KRT77: variants seen among roughly 807,000 people sequenced by gnomAD.
KRT77 encodes the protein keratin, type II cytoskeletal 1b.
In KRT77, 44 loss-of-function variants were observed where a neutral mutation model predicts 51.5. The observed-to-expected ratio is 0.85, with a 90% CI of 0.67 to 1.10. The LOEUF is 1.10. KRT77 is among the 50% of genes least tolerant of loss of function. The pLI is 0.00. For missense variants in KRT77, 763 were observed against 743.9 expected, an observed-to-expected ratio of 1.03 and a Z score of -0.30; for synonymous variants, 293 against 302.0, an observed-to-expected ratio of 0.97 and a Z score of 0.31.
intron 1 of KRT77, 39 bp from the exon 2 acceptor site, chr12:52,697,935 T>A: frequency 6.3e-7 from 1 of 1,583,966 alleles, no homozygotes; most frequent in Non-Finnish European, 8.7e-7. Flanking sequence ...AGGCCATGGA[T>A]CAGAGCAGCT....
intron 8 of KRT77, 103 bp downstream of exon 8, chr12:52,691,835 G>A (rs1419878242): frequency 3.0e-6 from 4 of 1,351,672 alleles, no homozygotes; most frequent in East Asian, 2.3e-5. Context: ...GCACAGGACT[G>A]GAAGCTAAAA....
chr12:52,691,045 C>T lies in KRT77; in HGVS notation c.*120G>A. 1 of 1,463,922 alleles carries T rather than the reference C, an allele frequency of 6.8e-7. No homozygotes were observed. The highest frequency in any genetic ancestry group is 9.4e-7 in the Non-Finnish European group (1 of 1,065,868). The allele number at this position is 1,463,922 out of a possible 1,614,324, so 90.7% of individuals were successfully genotyped here. On this transcript the variant is annotated 3_prime_UTR_variant, in exon 9 of 9. Transcript: ENST00000341809. The stretch of plus-strand genomic sequence containing the variant: ...CCCCCATTAGAGTCGAATTTATTGG[C>T]AAAATTGCTGAGACCCATTAAGAAA...
chr12:52,700,582 G>A (rs1941873111), intron 1 of KRT77, among the ~76,000 whole-genome samples: 1 of 152,154 alleles, frequency 6.6e-6, no homozygotes, highest in Non-Finnish European at 1.5e-5. Context: ...GAGGCAGAGG[G>A]GCACAGGAGG....
chr12:52,701,232 C>G (rs549342149), intron 1 of KRT77, among the ~76,000 whole-genome samples: 1 of 152,356 alleles, frequency 6.6e-6, no homozygotes, highest in Non-Finnish European at 1.5e-5. Flanking sequence ...GTAGTGACTC[C>G]TTGCTCCAGT....
At chr12:52,691,519 C>T (rs951970036) in intron 8 of KRT77, 80 bp from the exon 9 acceptor site, 13 of 1,440,240 alleles carry the variant, frequency 9.0e-6, no homozygotes, top group African/African-American at 8.5e-5. Context: ...CACCTGCAGC[C>T]TCCTCCATCC....
chr12:52,699,988 C>T (rs760578115), intron 1 of KRT77, among the ~76,000 whole-genome samples: 3 of 152,240 alleles, frequency 2.0e-5, no homozygotes, highest in Admixed American at 6.5e-5. Flanking sequence ...CCACTCACCA[C>T]TCTTAGCATA....
intron 1 of KRT77, chr12:52,698,272 A>G: frequency 1.7e-6 from 1 of 580,048 alleles, no homozygotes; most frequent in Non-Finnish European, 2.9e-6. Flanking sequence ...TTTGTGGTCA[A>G]AATGCATTAT....
chr12:52,703,485 G>T lies in KRT77; in HGVS notation c.-51C>A. 1 of 1,496,912 alleles carries T rather than the reference G, an allele frequency of 6.7e-7. No homozygotes were observed. 92.7% of individuals were successfully genotyped at this position (1,496,912 alleles called of 1,614,324 possible). A position where few individuals can be genotyped will look rare whatever the true frequency, so the allele number is the denominator to read the frequency against. On this transcript the variant is annotated 5_prime_UTR_variant, in exon 1 of 9. Transcript: ENST00000341809. ...GGCAAGAGAAAGAGCCTGGCAGGAA[G>T]GAGGCAGAGACCAGAGAGGAAAGGA...
rs112917375 is a variant in KRT77 at position 52,696,399 on chromosome 12, T to C, written c.790A>G (p.Ser264Gly). Reference protein sequence around the residue: ...YEDEINKRTGSENDFVVLKKD... With the variant: ...YEDEINKRTGGENDFVVLKKD... ...TTCAGGACGACAAAGTCATTCTCGC[T>C]GCCAGTCCTCTTGTTGATTTCATCC... The change falls in exon 3 of 9, where the codon AGC (serine) becomes GGC (glycine). Residue 264 changes from serine (S) to glycine (G), a missense_variant. Physicochemically the swap from Ser to Gly is moderately conservative, Grantham distance 56. Transcript: ENST00000341809. 346 of 1,614,224 alleles carry C rather than the reference T, an allele frequency of 2.1e-4. 5 individuals are homozygous for C. In the African/African-American group the frequency reaches 3.7e-3, roughly 17 times the overall value.
chr12:52,693,590 T>C (rs1941749528), intron 5 of KRT77: 2 of 150,934 alleles, frequency 1.3e-5, no homozygotes, highest in African/African-American at 4.8e-5. Context: ...TCATCAATGC[T>C]AGTTGTTCAG....
chr12:52,700,102 G>A (rs1437183066), intron 1 of KRT77, among the ~76,000 whole-genome samples: 2 of 152,200 alleles, frequency 1.3e-5, no homozygotes, highest in African/African-American at 4.8e-5. Context: ...ATTGGTTCTA[G>A]AAAGCCTTTG....
intron 8 of KRT77, 72 bp from the exon 9 acceptor site, chr12:52,691,511 C>T: frequency 1.4e-6 from 2 of 1,465,850 alleles, no homozygotes; most frequent in Non-Finnish European, 9.1e-7. Context: ...CGCCCCTGCA[C>T]CTGCAGCCTC....
rs1941703349 is a variant in KRT77 at position 52,691,316 on chromosome 12, C to G, written c.1586G>C (p.Gly529Ala). ...YGGGRSYRGG[G>A]ARGRSGGGYG... The stretch of plus-strand genomic sequence containing the variant: ...ACCGCCTCCACTCCTGCCTCGTGCC[C>G]CGCCTCCGCGGTAGCTTCTTCCGCC... The change falls in exon 9 of 9, where the codon GGG becomes GCG. Residue 529 changes from glycine to alanine, a missense_variant. Coordinates refer to ENST00000341809, the MANE Select transcript of KRT77 (RefSeq NM_175078.3). 1 of 1,600,528 alleles carries G rather than the reference C, an allele frequency of 6.2e-7. No homozygotes were observed. Among genetic ancestry groups the G allele is most frequent in the East Asian group, 2.3e-5 (1 of 44,130 alleles).
intron 8 of KRT77, 116 bp downstream of exon 8, chr12:52,691,822 A>G (rs993587060): frequency 1.7e-6 from 2 of 1,162,842 alleles, no homozygotes; most frequent in African/African-American, 3.0e-5. Flanking sequence ...TTTGGTGTCT[A>G]TTGCACAGGA....
intron 1 of KRT77, among the ~76,000 whole-genome samples, chr12:52,698,869 T>G (rs1025404677): frequency 1.3e-5 from 2 of 152,166 alleles, no homozygotes; most frequent in South Asian, 2.1e-4. Context: ...CTGGGCACCA[T>G]GTAAAGGGGC....
rs1183779409 is a variant in KRT77 at position 52,694,696 on chromosome 12, G to T, written c.1010C>A (p.Ala337Glu). ...AATCAGTTCATACTGGGTCCGCACT[G>T]CATCGATGATGCTGTCCAGGTCCAG... ...RSLDLDSIIDAVRTQYELIAQ... is the reference protein window; with the variant it reads ...RSLDLDSIIDEVRTQYELIAQ... Residue 337 changes from alanine (A) to glutamate (E), a missense_variant, in exon 5 of 9, where the codon GCA becomes GAA. Physicochemically the swap from Ala to Glu is moderately radical, Grantham distance 107. Coordinates refer to ENST00000341809, the MANE Select transcript of KRT77 (RefSeq NM_175078.3). 4 of 1,613,814 alleles carry T rather than the reference G, an allele frequency of 2.5e-6. No homozygotes were observed. The highest frequency in any genetic ancestry group is 3.4e-6 in the Non-Finnish European group (4 of 1,179,852).
At position 52,692,522 on chromosome 12, in the gene KRT77, C is replaced by A. The variant is rs1565651980; in HGVS notation, c.1326G>T (p.Leu442=). ...CCTGGTAGTCACGCAGCAGCCGGGC[C>A]AGCTCCTCCTTGGACTGCTGCAGGG... The part of the protein sequence containing the change: ...EEALQQSKEE[L]ARLLRDYQAM... Residue 442 remains leucine (L), a synonymous_variant, in exon 7 of 9, where the codon CTG becomes CTT. Transcript: ENST00000341809. 1 of 1,613,972 alleles carries A rather than the reference C, an allele frequency of 6.2e-7. No homozygotes were observed. The highest frequency in any genetic ancestry group is 1.3e-5 in the African/African-American group (1 of 74,912).
At chr12:52,698,642 G>T (rs928921288) in intron 1 of KRT77, among the ~76,000 whole-genome samples, 19 of 152,214 alleles carry the variant, frequency 1.2e-4, no homozygotes, top group African/African-American at 4.6e-4. Flanking sequence ...ATGGAGGTAA[G>T]ATGCGGGGCC....
intron 1 of KRT77, among the ~76,000 whole-genome samples, chr12:52,698,495 T>A (rs1243937084): frequency 6.6e-6 from 1 of 152,138 alleles, no homozygotes; most frequent in Non-Finnish European, 1.5e-5. Flanking sequence ...TTTTTAAAAG[T>A]CTAATGCATT....
Sources: gnomAD v4.1 joint callset for allele counts (sites outside exome capture counted in the v4.1 genomes callset) on GRCh38, gnomAD v4.1.1 for gene constraint, MANE v1.5 for transcripts, NCBI Gene and HGNC (gene_info 2026-07-23, HGNC 2026-07-21) for gene names.